The following LIN7A variants were observed in gnomAD, a reference collection of about 807,000 sequenced individuals.
The protein encoded by LIN7A is lin-7 cell polarity scaffold A.
Under a neutral mutation model 29.8 loss-of-function variants are expected in LIN7A, and 25 were observed. The observed-to-expected ratio is 0.84, with a 90% CI of 0.61 to 1.17. The LOEUF (loss-of-function observed/expected upper bound fraction) is 1.17. LIN7A is among the 50% of genes most tolerant of loss of function. The pLI, the probability that LIN7A is intolerant of heterozygous loss-of-function variation, is 0.00. For synonymous variants in LIN7A, 118 were observed against 107.5 expected, an observed-to-expected ratio of 1.10 and a Z score of -0.60; for missense variants, 239 against 287.0, an observed-to-expected ratio of 0.83 and a Z score of 1.21.
At chr12:80,807,067 T>TTTTTTGTTTTTTTTTTTTTTTTGTTG (rs1555221329) in intron 5 of LIN7A, among the ~76,000 whole-genome samples, 1 of 69,548 alleles carries the variant, frequency 1.4e-5, no homozygotes, top group African/African-American at 6.0e-5. Flanking sequence ...GATGGAGTTT[T>TTTTTTGTTTTTTTTTTTTTTTTGTTG]TTTTTTTTTT....
intron 4 of LIN7A, among the ~76,000 whole-genome samples, chr12:80,826,473 C>T (rs1486683619): frequency 6.6e-6 from 1 of 152,108 alleles, no homozygotes; most frequent in Non-Finnish European, 1.5e-5. Context: ...TGATTTCTTG[C>T]CTGGATTTCC....
intron 2 of LIN7A, among the ~76,000 whole-genome samples, chr12:80,854,020 C>T (rs1195535607): frequency 6.6e-6 from 1 of 152,082 alleles, no homozygotes; most frequent in South Asian, 2.1e-4. Context: ...TTGAACATTG[C>T]TAGTGGAAAT....
At chr12:80,867,291 C>G (rs983649592) in intron 2 of LIN7A, among the ~76,000 whole-genome samples, 3 of 152,080 alleles carry the variant, frequency 2.0e-5, no homozygotes, top group Admixed American at 1.3e-4. Flanking sequence ...AGAAAGTCAC[C>G]CTTGGACTTC....
At chr12:80,906,695 A>G (rs369049784) in intron 1 of LIN7A, among the ~76,000 whole-genome samples, 2 of 152,044 alleles carry the variant, frequency 1.3e-5, no homozygotes, top group African/African-American at 4.8e-5. Flanking sequence ...GGAGGTGAGG[A>G]TTGAAAAACC....
At chr12:80,838,355 G>A (rs1218171173) in intron 4 of LIN7A, among the ~76,000 whole-genome samples, 1 of 152,180 alleles carries the variant, frequency 6.6e-6, no homozygotes, top group Non-Finnish European at 1.5e-5. Flanking sequence ...AGTTACCTGT[G>A]CTATTGAGAT....
chr12:80,912,882 T>TCC lies in LIN7A; in HGVS notation c.83-23514_83-23513insGG, dbSNP rs1326590790. On this transcript the variant is annotated intron_variant, in intron 1 of 5. Coordinates refer to ENST00000552864, the MANE Select transcript of LIN7A (RefSeq NM_004664.4). The stretch of plus-strand genomic sequence containing the variant: ...TCACCTCCATACCTGCATAAGCATT[T>TCC]TAGAAATTCTAAAACATTAATTTCA... Among the ~76,000 whole-genome samples the TCC allele has an allele frequency of 8.5e-5, 13 of 152,290 alleles. No individual in the cohort carries two copies. The East Asian group carries it at 2.3e-3, about 27-fold the overall frequency.
chr12:80,842,227 C>A, intron 4 of LIN7A: 12 of 794,804 alleles, frequency 1.5e-5, no homozygotes, highest in Non-Finnish European at 1.9e-5. Flanking sequence ...CCTAACATTC[C>A]ATGTTAATAG....
chr12:80,837,218 T>C (rs1237371638), intron 4 of LIN7A, among the ~76,000 whole-genome samples: 3 of 152,208 alleles, frequency 2.0e-5, no homozygotes, highest in Non-Finnish European at 4.4e-5. Flanking sequence ...TTATGATATT[T>C]ACACATTGTA....
chr12:80,827,825 G>A (rs1158052611), intron 4 of LIN7A, among the ~76,000 whole-genome samples: 1 of 152,120 alleles, frequency 6.6e-6, no homozygotes, highest in Admixed American at 6.5e-5. Flanking sequence ...ACTTTATGAT[G>A]GTTTACAAGG....
chr12:80,896,041 C>A (rs1487577458), intron 1 of LIN7A, among the ~76,000 whole-genome samples: 1 of 152,084 alleles, frequency 6.6e-6, no homozygotes, highest in African/African-American at 2.4e-5. Flanking sequence ...TTCTAGGTTT[C>A]CGGGATAATA....
At chr12:80,927,531 TA>T (rs1877669549) in intron 1 of LIN7A, among the ~76,000 whole-genome samples, 1 of 152,166 alleles carries the variant, frequency 6.6e-6, no homozygotes, top group African/African-American at 2.4e-5. Flanking sequence ...GAACTGCCTT[TA>T]AAAAGGGAAT....
chr12:80,888,771 A>G (rs1182133370), intron 2 of LIN7A, among the ~76,000 whole-genome samples: 4 of 152,134 alleles, frequency 2.6e-5, no homozygotes, highest in African/African-American at 9.7e-5. Flanking sequence ...TTAGTCAAGA[A>G]AGGATTACAA....
At chr12:80,826,337 AC>A (rs760262681) in intron 4 of LIN7A, among the ~76,000 whole-genome samples, 1 of 152,166 alleles carries the variant, frequency 6.6e-6, no homozygotes, top group Non-Finnish European at 1.5e-5. Flanking sequence ...TCATGTAGCC[AC>A]CCAAGTTGGA....
At chr12:80,856,552 T>C (rs900209921) in intron 2 of LIN7A, among the ~76,000 whole-genome samples, 4 of 152,300 alleles carry the variant, frequency 2.6e-5, no homozygotes, top group African/African-American at 9.6e-5. Context: ...AAATGAACTC[T>C]CCAGTTTTTA....
intron 2 of LIN7A, among the ~76,000 whole-genome samples, chr12:80,886,475 A>G (rs1165850590): frequency 3.9e-5 from 5 of 127,330 alleles, no homozygotes; most frequent in South Asian, 2.6e-4. Flanking sequence ...ATGTAAATCA[A>G]CACAATAAGA....
intron 2 of LIN7A, among the ~76,000 whole-genome samples, chr12:80,877,643 G>A (rs147623497): frequency 6.6e-6 from 1 of 152,082 alleles, no homozygotes; most frequent in African/African-American, 2.4e-5. Flanking sequence ...GAAAGGAAGA[G>A]AGTAAGCTAG....
intron 4 of LIN7A, chr12:80,841,977 T>C (rs977256688): frequency 3.2e-5 from 39 of 1,205,706 alleles, no homozygotes; most frequent in Admixed American, 1.3e-4. Flanking sequence ...AAGGCCTCTG[T>C]ATTTTCTATG....
chr12:80,851,088 T>C (rs1177705776), intron 2 of LIN7A, among the ~76,000 whole-genome samples: 1 of 152,136 alleles, frequency 6.6e-6, no homozygotes, highest in Non-Finnish European at 1.5e-5. Flanking sequence ...GACTTTCTTA[T>C]ATTAAAACAG....
At chr12:80,881,695 A>T (rs1305852621) in intron 2 of LIN7A, among the ~76,000 whole-genome samples, 1 of 152,102 alleles carries the variant, frequency 6.6e-6, no homozygotes, top group Non-Finnish European at 1.5e-5. Context: ...TACAACATAA[A>T]GTCTGTATAT....
Sources: allele counts gnomAD v4.1 joint callset (sites outside exome capture counted in the v4.1 genomes callset), GRCh38; gene constraint gnomAD v4.1.1; transcripts MANE v1.5; gene names NCBI Gene and HGNC (gene_info 2026-07-23, HGNC 2026-07-21).